The following CNTN6 variants were observed in gnomAD, a reference collection of about 807,000 sequenced individuals.
The protein encoded by CNTN6 is contactin 6, also known as contactin-6.
A neutral mutation model predicts 122.8 loss-of-function variants in CNTN6; 137 were observed. The ratio of observed to expected loss-of-function variants is 1.12; its 90% CI spans 0.97 to 1.29. CNTN6 has a LOEUF of 1.29. Ranked by LOEUF, CNTN6 falls within the 50% of genes most tolerant of loss-of-function variation. The pLI is 0.00. For missense variants in CNTN6, 1,634 were observed against 1,223.4 expected (o/e 1.34, Z -5.01); for synonymous variants, 570 against 426.0 (o/e 1.34, Z -4.16).
chr3:1,232,005 T>C (rs962771230), intron 4 of CNTN6, among the ~76,000 whole-genome samples: 2 of 152,218 alleles, frequency 1.3e-5, no homozygotes, highest in Non-Finnish European at 2.9e-5. Flanking sequence ...TGTATGTTAA[T>C]GAATTACTCT....
chr3:1,200,920 T>C (rs2093855314), intron 2 of CNTN6, among the ~76,000 whole-genome samples: 1 of 148,370 alleles, frequency 6.7e-6, no homozygotes, highest in South Asian at 2.1e-4. Context: ...TTTGTTTCTT[T>C]CGTTCTTTTT....
intron 12 of CNTN6, among the ~76,000 whole-genome samples, chr3:1,364,164 T>C (rs1027651047): frequency 2.6e-5 from 4 of 151,986 alleles, no homozygotes; most frequent in Non-Finnish European, 5.9e-5. Flanking sequence ...ATATGTAGCG[T>C]AATTTGAGAT....
chr3:1,167,785 C>T (rs1299399306), intron 2 of CNTN6, among the ~76,000 whole-genome samples: 1 of 152,196 alleles, frequency 6.6e-6, no homozygotes, highest in Non-Finnish European at 1.5e-5. Context: ...GATTCAACCG[C>T]TGTTCAACAG....
intron 7 of CNTN6, among the ~76,000 whole-genome samples, chr3:1,320,896 TAATAG>T (rs1433957160): frequency 8.6e-5 from 13 of 151,814 alleles, no homozygotes; most frequent in Non-Finnish European, 1.5e-5. Flanking sequence ...AGACTAAAAA[TAATAG>T]ATATGAGAAA....
In CNTN6 at chr3:1,385,513, C is replaced by T. The variant is rs7642098; in HGVS notation, c.2518-98C>T. ...TTGTCATCTATACTTCTGTCTTCTTCCCATATTCCTTGTGGTTGTGGTTGA... is the reference window on the plus strand; with the variant it reads ...TTGTCATCTATACTTCTGTCTTCTTTCCATATTCCTTGTGGTTGTGGTTGA... On this transcript the variant is annotated intron_variant, in intron 19 of 22. Transcript: ENST00000446702. 1.9e-3 allele frequency: 1,683 copies of T among 908,580 alleles called. 16 individuals are homozygous for T. In the African/African-American group the frequency reaches 0.025, roughly 14 times the overall value. 56.3% of individuals were successfully genotyped at this position (908,580 alleles called of 1,614,324 possible).
chr3:1,385,143 T>G (rs994469514), intron 19 of CNTN6, among the ~76,000 whole-genome samples: 9 of 152,142 alleles, frequency 5.9e-5, no homozygotes, highest in Non-Finnish European at 1.3e-4. Flanking sequence ...TCTCTTTTTT[T>G]TTCAATGTAC....
chr3:1,346,907 A>C (rs1704812443), intron 11 of CNTN6, among the ~76,000 whole-genome samples: 1 of 152,170 alleles, frequency 6.6e-6, no homozygotes, highest in African/African-American at 2.4e-5. Context: ...AATAGGTACA[A>C]AGTCAGGCAA....
chr3:1,303,164 CTTT>C (rs1697721851), intron 7 of CNTN6, among the ~76,000 whole-genome samples: 1 of 151,830 alleles, frequency 6.6e-6, no homozygotes, highest in South Asian at 2.1e-4. Flanking sequence ...ATGCTGTTCA[CTTT>C]TTTATTATAG....
At position 1,164,298 on chromosome 3, in the gene CNTN6, C is replaced by T. The variant is rs114005113; in HGVS notation, c.55+16235C>T. The stretch of plus-strand genomic sequence containing the variant: ...ATGCCCATTCTGGCAGCTGAACTTG[C>T]TGGCTTCCTTGCAAGATCTGACTTG... On this transcript the variant is annotated intron_variant, in intron 2 of 22. Coordinates refer to ENST00000446702, the MANE Select transcript of CNTN6 (RefSeq NM_001289080.2). 4.3e-3 allele frequency among the ~76,000 whole-genome samples: 660 copies of T among 152,370 alleles called. 4 individuals are homozygous for T. Among genetic ancestry groups the T allele is most frequent in the African/African-American group, 0.015 (608 of 41,584 alleles).
chr3:1,388,545 G>A (rs1051460376), intron 20 of CNTN6, among the ~76,000 whole-genome samples: 47 of 151,144 alleles, frequency 3.1e-4, no homozygotes, highest in South Asian at 6.3e-4. Context: ...CACCAGCAAC[G>A]GAACAAAGCT....
At chr3:1,379,170 A>G (rs1559970069) in intron 17 of CNTN6, among the ~76,000 whole-genome samples, 1 of 134,248 alleles carries the variant, frequency 7.4e-6, no homozygotes, top group Non-Finnish European at 1.6e-5. Context: ...TTAAATAGAG[A>G]TGAGCATGAA....
At chr3:1,134,754 A>G (rs2092429763) in intron 1 of CNTN6, among the ~76,000 whole-genome samples, 2 of 152,116 alleles carry the variant, frequency 1.3e-5, no homozygotes, top group African/African-American at 4.8e-5. Flanking sequence ...AATTTATTTA[A>G]GAAAGCATCT....
intron 2 of CNTN6, among the ~76,000 whole-genome samples, chr3:1,152,592 A>G (rs989420411): frequency 6.6e-6 from 1 of 152,216 alleles, no homozygotes; most frequent in African/African-American, 2.4e-5. Context: ...ATTTTCCCAC[A>G]GTGAAAAATT....
At chr3:1,270,193 A>G (rs1389372302) in intron 4 of CNTN6, among the ~76,000 whole-genome samples, 1 of 152,204 alleles carries the variant, frequency 6.6e-6, no homozygotes, top group Non-Finnish European at 1.5e-5. Flanking sequence ...TTCAGTAGAG[A>G]TATTTCTCTG....
At chr3:1,315,117 A>G (rs1164803484) in intron 7 of CNTN6, among the ~76,000 whole-genome samples, 1 of 152,046 alleles carries the variant, frequency 6.6e-6, no homozygotes, top group African/African-American at 2.4e-5. Flanking sequence ...TGACTCTGTA[A>G]CATCAGTTTC....
intron 11 of CNTN6, among the ~76,000 whole-genome samples, chr3:1,340,287 T>A (rs1055786020): frequency 2.0e-5 from 3 of 152,128 alleles, no homozygotes; most frequent in African/African-American, 7.2e-5. Context: ...TTCAGAGTTA[T>A]ACTAAAAAAA....
chr3:1,104,071 G>A (rs909498398), intron 1 of CNTN6, among the ~76,000 whole-genome samples: 79 of 152,020 alleles, frequency 5.2e-4, no homozygotes, highest in African/African-American at 1.8e-3. Flanking sequence ...AGGCACTAGT[G>A]ATGCAACTAT....
intron 12 of CNTN6, among the ~76,000 whole-genome samples, chr3:1,352,748 G>A (rs1035255474): frequency 6.6e-6 from 1 of 151,694 alleles, no homozygotes; most frequent in Non-Finnish European, 1.5e-5. Context: ...GGCCATGGAC[G>A]TTTTGATAAA....
chr3:1,401,686 C>A lies in CNTN6; in HGVS notation c.2817+141C>A, dbSNP rs575251703. The A allele has an allele frequency of 9.8e-6, 6 of 609,486 alleles. No homozygotes were observed. The East Asian group carries it at 1.4e-4, about 15-fold the overall frequency. 37.8% of individuals were successfully genotyped at this position (609,486 alleles called of 1,614,324 possible). ...AATTATTTTGAAAATACCATTGCTG[C>A]TTTCTAATTTTCCATTGAAAATGTT... is the stretch of plus-strand genomic sequence containing the variant. On this transcript the variant is annotated intron_variant, in intron 21 of 22. Coordinates refer to ENST00000446702, the MANE Select transcript of CNTN6 (RefSeq NM_001289080.2).
Sources: gnomAD v4.1 joint callset for allele counts (sites outside exome capture counted in the v4.1 genomes callset) on GRCh38, gnomAD v4.1.1 for gene constraint, MANE v1.5 for transcripts, NCBI Gene and HGNC (gene_info 2026-07-23, HGNC 2026-07-21) for gene names.